Variants in CHN2 observed in about 807,000 individuals in gnomAD.
CHN2 encodes chimerin 2.
CHN2 carries 35 observed loss-of-function variants against 56.3 expected under a neutral mutation model. The observed-to-expected ratio is 0.62, with a 90% CI of 0.47 to 0.82. The LOEUF (loss-of-function observed/expected upper bound fraction) is 0.82. Ranked by LOEUF, CHN2 falls within the 40% of genes least tolerant of loss-of-function variation. The pLI is 0.00. For missense variants in CHN2, 491 were observed against 580.5 expected (o/e 0.85, Z 1.58); for synonymous variants, 210 against 212.8 (o/e 0.99, Z 0.12).
At chr7:29,430,789 CA>C (rs72339566) in intron 6 of CHN2, among the ~76,000 whole-genome samples, 36,002 of 112,080 alleles carry the variant, frequency 0.32, 5,529 homozygotes, top group Non-Finnish European at 0.43. Context: ...AAGATGATAG[CA>C]AAAAAAAAAA....
chr7:29,206,595 T>A (rs949512563), intron 1 of CHN2, among the ~76,000 whole-genome samples: 14 of 152,126 alleles, frequency 9.2e-5, no homozygotes, highest in African/African-American at 3.4e-4. Context: ...ATTTTTTTTT[T>A]AACTTATTTG....
intron 1 of CHN2, among the ~76,000 whole-genome samples, chr7:29,331,973 C>T (rs968344626): frequency 1.4e-5 from 2 of 146,156 alleles, no homozygotes; most frequent in Non-Finnish European, 3.0e-5. Context: ...GATTGCGCCA[C>T]GGCACTCCAG....
chr7:29,430,816 A>G (rs896294527), intron 6 of CHN2, among the ~76,000 whole-genome samples: 1 of 142,764 alleles, frequency 7.0e-6, no homozygotes, highest in Non-Finnish European at 1.5e-5. Context: ...AAAAAAGGGG[A>G]CTTCTCCACT....
intron 8 of CHN2, among the ~76,000 whole-genome samples, chr7:29,497,128 C>T (rs1277866760): frequency 6.6e-6 from 1 of 152,178 alleles, no homozygotes; most frequent in East Asian, 1.9e-4. Flanking sequence ...AGTTCCACCT[C>T]CCCCATTGCA....
intron 12 of CHN2, among the ~76,000 whole-genome samples, chr7:29,512,192 C>A (rs1420144): frequency 0.83 from 120,019 of 144,406 alleles, 47,964 homozygotes; most frequent in East Asian, 0.88. Flanking sequence ...AAAAAAAAAA[C>A]GCCTTCTGTA....
chr7:29,497,552 T>A (rs921241016), intron 8 of CHN2, among the ~76,000 whole-genome samples: 2 of 152,080 alleles, frequency 1.3e-5, no homozygotes, highest in African/African-American at 4.8e-5. Context: ...CAATGGCTAC[T>A]TTTTGGCCTT....
At chr7:29,227,963 A>T (rs193141829) in intron 1 of CHN2, among the ~76,000 whole-genome samples, 1 of 152,092 alleles carries the variant, frequency 6.6e-6, no homozygotes, top group Non-Finnish European at 1.5e-5. Context: ...TCATTCATGG[A>T]TGCTGGCATC....
chr7:29,473,482 T>TTTTTTTTTGTG (rs539151442), intron 6 of CHN2, among the ~76,000 whole-genome samples: 29 of 118,192 alleles, frequency 2.5e-4, no homozygotes, highest in African/African-American at 8.6e-4. Context: ...TTTTTTTTTT[T>TTTTTTTTTGTG]TGTGTGTGTG....
At chr7:29,273,326 CATATATATATATATGTGTATAT>C (rs1341951231) in intron 1 of CHN2, among the ~76,000 whole-genome samples, 3 of 79,784 alleles carry the variant, frequency 3.8e-5, no homozygotes, top group African/African-American at 1.6e-4. Flanking sequence ...TTCCATCATG[CATATATATATATATGTGTATAT>C]ATATATATAT....
chr7:29,458,390 C>T (rs893438964), intron 6 of CHN2, among the ~76,000 whole-genome samples: 401 of 149,064 alleles, frequency 2.7e-3, no homozygotes, highest in Middle Eastern at 6.9e-3. Context: ...CACACACACA[C>T]ACACACACAC....
At position 29,513,301 on chromosome 7, in the gene CHN2, C is replaced by T. The variant is rs1398641844; in HGVS notation, c.*566C>T. 1 of 153,034 alleles carries T rather than the reference C, an allele frequency of 6.5e-6. No individual in the cohort carries two copies. Among genetic ancestry groups the T allele is most frequent in the Non-Finnish European group, 1.5e-5 (1 of 68,322 alleles). 9.5% of individuals were successfully genotyped at this position (153,034 alleles called of 1,614,324 possible). ...GACCACAAATGCAGTATTATCTTGA[C>T]ATACCTCTGTCCTCCTCAGTGCTTT... On this transcript the variant is annotated 3_prime_UTR_variant, in exon 13 of 13. Transcript: ENST00000222792.
chr7:29,216,464 G>C (rs1338995989), intron 1 of CHN2, among the ~76,000 whole-genome samples: 1 of 152,184 alleles, frequency 6.6e-6, no homozygotes, highest in Non-Finnish European at 1.5e-5. Flanking sequence ...TTATCACTTT[G>C]TGGAAATGTT....
intron 5 of CHN2, 88 bp from the exon 6 acceptor site, chr7:29,400,455 T>C: frequency 7.6e-7 from 1 of 1,311,166 alleles, no homozygotes; most frequent in Non-Finnish European, 1.1e-6. Flanking sequence ...ATACACTAAG[T>C]ATTCAAAAAA....
intron 1 of CHN2, among the ~76,000 whole-genome samples, chr7:29,248,660 C>A (rs1301768786): frequency 6.6e-6 from 1 of 152,212 alleles, no homozygotes; most frequent in East Asian, 1.9e-4. Context: ...CTCTGCCTCT[C>A]TTGTGCTCTG....
chr7:29,337,107 G>A (rs867976958), intron 1 of CHN2, among the ~76,000 whole-genome samples: 2 of 152,168 alleles, frequency 1.3e-5, no homozygotes, highest in Non-Finnish European at 1.5e-5. Flanking sequence ...TGTGTACCCA[G>A]TGCCTAACTT....
At chr7:29,146,753 T>A (rs896353011) in intron 1 of CHN2, 1 of 1,549,824 alleles carries the variant, frequency 6.5e-7, no homozygotes. Context: ...CAGGTTGGTT[T>A]GTCCCTTTGT....
At chr7:29,393,558 G>A (rs1473930373) in intron 3 of CHN2, 121 bp from the exon 4 acceptor site, 7 of 465,558 alleles carry the variant, frequency 1.5e-5, no homozygotes, top group African/African-American at 4.2e-5. Context: ...TCTCTGATTT[G>A]GAGGATACAA....
intron 1 of CHN2, among the ~76,000 whole-genome samples, chr7:29,244,719 G>C (rs1476193932): frequency 6.6e-6 from 1 of 152,168 alleles, no homozygotes; most frequent in African/African-American, 2.4e-5. Flanking sequence ...TGGTAATCAG[G>C]AAACTGGGGT....
chr7:29,369,366 A>C (rs1275654513), intron 3 of CHN2, among the ~76,000 whole-genome samples: 1 of 152,242 alleles, frequency 6.6e-6, no homozygotes, highest in African/African-American at 2.4e-5. Context: ...AGGCACCAGA[A>C]CTTGAAATGC....
Sources: gnomAD v4.1 joint callset for allele counts (sites outside exome capture counted in the v4.1 genomes callset) on GRCh38, gnomAD v4.1.1 for gene constraint, MANE v1.5 for transcripts, NCBI Gene and HGNC (gene_info 2026-07-23, HGNC 2026-07-21) for gene names.